PIP5K1A: variants seen among roughly 807,000 people sequenced by gnomAD.
PIP5K1A encodes phosphatidylinositol 4-phosphate 5-kinase type-1 alpha.
Under a neutral mutation model 72.9 loss-of-function variants are expected in PIP5K1A, and 46 were observed. The ratio of observed to expected loss-of-function variants is 0.63; its 90% CI spans 0.50 to 0.81. The LOEUF (loss-of-function observed/expected upper bound fraction) is 0.81, where lower values mean the gene tolerates loss of function less well. Ranked by LOEUF, PIP5K1A falls within the 30% of genes least tolerant of loss-of-function variation. PIP5K1A has a pLI of 0.00. For synonymous variants in PIP5K1A, 228 were observed against 255.1 expected (o/e 0.89, Z 1.01); for missense variants, 458 against 706.1 (o/e 0.65, Z 3.98).
chr1:151,224,484 T>G, intron 3 of PIP5K1A, 78 bp downstream of exon 3: 3 of 1,053,246 alleles, frequency 2.8e-6, no homozygotes, highest in Non-Finnish European at 4.4e-6. Flanking sequence ...TTATTGAGCA[T>G]TTTTAATGTA....
At position 151,232,313 on chromosome 1, in the gene PIP5K1A, T is replaced by C. The variant is rs1311808402; in HGVS notation, c.434T>C (p.Val145Ala). The C allele has an allele frequency of 6.2e-7, 1 of 1,614,068 alleles. No individual in the cohort carries two copies. The highest frequency in any genetic ancestry group is 1.3e-5 in the African/African-American group (1 of 74,938). ...TTTCGTTTCAAGACCTATGCACCTG[T>C]TGCCTTCCGCTACTTCCGGGAGCTA... is the stretch of plus-strand genomic sequence containing the variant. ...NDFRFKTYAP[V>A]AFRYFRELFG... The change falls in exon 6 of 16, where the codon GTT (valine) becomes GCT (alanine). Residue 145 changes from valine to alanine, a missense_variant. This residue lies in a region of PIP5K1A where 220 missense variants were observed against 442.6 expected (regional missense o/e 0.50). Transcript: ENST00000368888.
At chr1:151,197,874 T>C (rs1572105057), upstream of PIP5K1A, 1 of 343,792 alleles carries the variant, frequency 2.9e-6, no homozygotes, top group African/African-American at 2.2e-5. Context: ...AAGACTACAA[T>C]GGGAGAAATT....
chr1:151,243,047 T>C (rs1048016085), intron 14 of PIP5K1A, among the ~76,000 whole-genome samples: 1 of 152,168 alleles, frequency 6.6e-6, no homozygotes, highest in Non-Finnish European at 1.5e-5. Flanking sequence ...TATAACTTAA[T>C]CTCAGAATTG....
intron 1 of PIP5K1A, among the ~76,000 whole-genome samples, chr1:151,217,782 T>A (rs587658947): frequency 4.0e-4 from 61 of 152,024 alleles, no homozygotes; most frequent in East Asian, 1.2e-3. Flanking sequence ...ATTTTTTTTT[T>A]AAATTTTTTA....
chr1:151,242,600 T>C, intron 14 of PIP5K1A, 33 bp downstream of exon 14: 1 of 1,586,808 alleles, frequency 6.3e-7, no homozygotes, highest in Non-Finnish European at 8.6e-7. Context: ...CCATATAATC[T>C]TATCTCTCTT....
At chr1:151,205,544 C>T (rs1039532073) in intron 1 of PIP5K1A, among the ~76,000 whole-genome samples, 2 of 151,804 alleles carry the variant, frequency 1.3e-5, no homozygotes, top group Non-Finnish European at 2.9e-5. Flanking sequence ...TGGTGACTCA[C>T]GCCTGTAATG....
chr1:151,241,259 T>C (rs1384557829), intron 12 of PIP5K1A, among the ~76,000 whole-genome samples: 2 of 152,084 alleles, frequency 1.3e-5, no homozygotes, highest in Admixed American at 6.5e-5. Context: ...CCCAGCATTT[T>C]AGGAGGCCGA....
chr1:151,244,810 A>G (rs756406597), intron 14 of PIP5K1A, among the ~76,000 whole-genome samples: 2 of 152,198 alleles, frequency 1.3e-5, no homozygotes, highest in East Asian at 1.9e-4. Context: ...AGGGATGACT[A>G]TACTCTGAAC....
intron 1 of PIP5K1A, among the ~76,000 whole-genome samples, chr1:151,214,254 A>G (rs1166351671): frequency 6.6e-6 from 1 of 152,166 alleles, no homozygotes; most frequent in African/African-American, 2.4e-5. Flanking sequence ...TATCCTTGTA[A>G]TGTATAACCT....
At chr1:151,196,665 C>CT (rs1684576749), upstream of PIP5K1A, among the ~76,000 whole-genome samples, 3 of 150,528 alleles carry the variant, frequency 2.0e-5, no homozygotes, top group Admixed American at 1.3e-4. Context: ...ATCAATTCTC[C>CT]TGCCTCAGCC....
At position 151,239,169 on chromosome 1, in the gene PIP5K1A, A is replaced by T; in HGVS notation, c.1269A>T (p.Val423=). ...KKLEHSWKAL[V]HDGDTVSVHR... Reference sequence around the variant, plus strand: ...TGGAGCACTCTTGGAAAGCCCTGGTACATGACGGAGTAAGTAGTAATACTA... The same window carrying T: ...TGGAGCACTCTTGGAAAGCCCTGGTTCATGACGGAGTAAGTAGTAATACTA... The change falls in exon 11 of 16, where the codon GTA becomes GTT. Residue 423 remains valine (V), a synonymous_variant. Transcript: ENST00000368888. 6.2e-7 allele frequency: 1 copy of T among 1,608,526 alleles called. No individual in the cohort carries two copies. Among genetic ancestry groups the T allele is most frequent in the Non-Finnish European group, 8.5e-7 (1 of 1,174,998 alleles).
At chr1:151,204,288 T>C (rs1023681591) in intron 1 of PIP5K1A, among the ~76,000 whole-genome samples, 1 of 152,216 alleles carries the variant, frequency 6.6e-6, no homozygotes, top group Admixed American at 6.5e-5. Flanking sequence ...GTGATTCTCC[T>C]GCCTCTGCCT....
At chr1:151,230,124 G>A (rs912857788) in intron 4 of PIP5K1A, among the ~76,000 whole-genome samples, 6 of 152,082 alleles carry the variant, frequency 3.9e-5, no homozygotes, top group Admixed American at 1.3e-4. Context: ...GTAATTTATT[G>A]CCCATTGAGG....
In PIP5K1A at chr1:151,198,977, AG is replaced by A; in HGVS notation, c.-15del. 6.2e-7 allele frequency: 1 copy of A among 1,611,108 alleles called. No homozygotes were observed. The highest frequency in any genetic ancestry group is 8.5e-7 in the Non-Finnish European group (1 of 1,177,638). On this transcript the variant is annotated 5_prime_UTR_variant, in exon 1 of 16. Coordinates refer to ENST00000368888, the MANE Select transcript of PIP5K1A (RefSeq NM_001135638.2). ...GGATTGAAAGAGAGCCAGGCCGCTG[AG>A]GGGGAGGGGGCTGCTAAGATGGCGT...
chr1:151,226,691 C>T (rs587688098), intron 3 of PIP5K1A, among the ~76,000 whole-genome samples: 11 of 138,752 alleles, frequency 7.9e-5, no homozygotes, highest in South Asian at 2.3e-4. Context: ...CCAGCCCAGG[C>T]GACACAAGCG....
intron 4 of PIP5K1A, among the ~76,000 whole-genome samples, chr1:151,228,164 G>T (rs1424069018): frequency 6.6e-6 from 1 of 151,900 alleles, no homozygotes; most frequent in Non-Finnish European, 1.5e-5. Flanking sequence ...TAGAGCCAGG[G>T]TGTCAATCTG....
At chr1:151,239,616 C>G (rs1157830619) in intron 11 of PIP5K1A, among the ~76,000 whole-genome samples, 2 of 152,212 alleles carry the variant, frequency 1.3e-5, no homozygotes, top group Admixed American at 6.5e-5. Flanking sequence ...CAACCTCCAT[C>G]TCCCAGGTTC....
intron 9 of PIP5K1A, 23 bp downstream of exon 9, chr1:151,236,786 G>C: frequency 1.3e-6 from 2 of 1,529,328 alleles, no homozygotes; most frequent in South Asian, 1.1e-5. Context: ...AGGGCCACTA[G>C]GGGGGAGAAC....
At chr1:151,230,584 C>G (rs1689901627) in intron 4 of PIP5K1A, among the ~76,000 whole-genome samples, 1 of 152,170 alleles carries the variant, frequency 6.6e-6, no homozygotes, top group Admixed American at 6.5e-5. Flanking sequence ...CTGTGTTACC[C>G]AGGCTGGAAT....
Sources: allele counts gnomAD v4.1 joint callset (sites outside exome capture counted in the v4.1 genomes callset), GRCh38; gene constraint gnomAD v4.1.1; regional missense constraint gnomAD v4.1.1; transcripts MANE v1.5; gene names NCBI Gene and HGNC (gene_info 2026-07-23, HGNC 2026-07-21).